The following MAPT variants were observed in gnomAD, a reference collection of about 807,000 sequenced individuals.
MAPT encodes microtubule associated protein tau.
Under a neutral mutation model 67.9 loss-of-function variants are expected in MAPT, and 34 were observed. The observed-to-expected ratio is 0.50, with a 90% CI of 0.38 to 0.67. The LOEUF is 0.67. Ranked by LOEUF, MAPT falls within the 30% of genes least tolerant of loss-of-function variation. The probability of loss-of-function intolerance (pLI) is 0.00; values close to 1 mark genes in which losing one functional copy is unlikely to be tolerated. For synonymous variants in MAPT, 456 were observed against 464.5 expected (o/e 0.98, Z 0.23); for missense variants, 881 against 1,115.2 (o/e 0.79, Z 2.99).
intron 1 of MAPT, among the ~76,000 whole-genome samples, chr17:45,941,526 A>G (rs1050693150): frequency 6.6e-6 from 1 of 150,446 alleles, no homozygotes; most frequent in Non-Finnish European, 1.5e-5. Flanking sequence ...GCAGAACTTC[A>G]TTTCCTCTTC....
intron 1 of MAPT, among the ~76,000 whole-genome samples, chr17:45,947,480 C>T (rs1490042566): frequency 2.0e-5 from 3 of 151,548 alleles, no homozygotes; most frequent in East Asian, 1.9e-4. Flanking sequence ...CACCACCTCC[C>T]GGGTTTAAGC....
At chr17:45,979,640 A>T (rs905586882) in intron 4 of MAPT, 1 of 152,238 alleles carries the variant, frequency 6.6e-6, no homozygotes, top group Non-Finnish European at 1.5e-5. Context: ...GAAGAACCTC[A>T]GTCAATGTGT....
At chr17:45,929,918 G>A (rs1363316412) in intron 1 of MAPT, among the ~76,000 whole-genome samples, 3 of 152,162 alleles carry the variant, frequency 2.0e-5, no homozygotes, top group African/African-American at 7.2e-5. Flanking sequence ...CAGGGGAGCA[G>A]ATAATGGGTA....
At chr17:45,952,733 C>G (rs1362561234) in intron 1 of MAPT, among the ~76,000 whole-genome samples, 1 of 152,116 alleles carries the variant, frequency 6.6e-6, no homozygotes, top group Non-Finnish European at 1.5e-5. Flanking sequence ...GCCCTGGGGT[C>G]ACCAAATGGT....
At chr17:45,946,615 A>AAAAAAAAAAAAAAATATATATATATATAT in intron 1 of MAPT, among the ~76,000 whole-genome samples, 3 of 100,404 alleles carry the variant, frequency 3.0e-5, no homozygotes, top group Non-Finnish European at 5.9e-5. Flanking sequence ...AAAAAAAAAA[A>AAAAAAAAAAAAAAATATATATATATATAT]ATATATATAT....
chr17:45,916,145 C>T (rs958515006), intron 1 of MAPT, among the ~76,000 whole-genome samples: 1 of 152,068 alleles, frequency 6.6e-6, no homozygotes, highest in East Asian at 1.9e-4. Flanking sequence ...GCCCCAGGGC[C>T]CTGCTCTTTG....
chr17:45,941,673 C>CTT (rs2067919273), intron 1 of MAPT, among the ~76,000 whole-genome samples: 3 of 28,456 alleles, frequency 1.1e-4, no homozygotes, highest in Admixed American at 3.7e-4. Flanking sequence ...CCCCCTTCCC[C>CTT]CCTTCCCTCC....
chr17:45,902,268 G>A (rs543167363), intron 1 of MAPT, among the ~76,000 whole-genome samples: 4 of 152,002 alleles, frequency 2.6e-5, no homozygotes, highest in South Asian at 2.1e-4. Context: ...ATGGGGTATC[G>A]CCATGTTGGC....
intron 2 of MAPT, among the ~76,000 whole-genome samples, chr17:45,964,403 G>GGT (rs1458410129): frequency 7.4e-6 from 1 of 135,894 alleles, no homozygotes; most frequent in Non-Finnish European, 1.5e-5. Context: ...TTAGAGGCCG[G>GGT]GCGCGGTGGC....
chr17:45,979,380 GAC>G (rs1191020275), intron 4 of MAPT: 1 of 152,228 alleles, frequency 6.6e-6, no homozygotes, highest in Non-Finnish European at 1.5e-5. Flanking sequence ...GGGCTGGAAA[GAC>G]ACTGTTCTTT....
At chr17:46,021,913 T>C (rs1402858862) in intron 12 of MAPT, among the ~76,000 whole-genome samples, 2 of 152,188 alleles carry the variant, frequency 1.3e-5, no homozygotes, top group African/African-American at 4.8e-5. Context: ...GAAAAATTGC[T>C]AACAAGCAGT....
chr17:45,951,488 T>G (rs1161405352), intron 1 of MAPT, among the ~76,000 whole-genome samples: 3 of 152,092 alleles, frequency 2.0e-5, no homozygotes, highest in Non-Finnish European at 2.9e-5. Flanking sequence ...CTCCGACGTC[T>G]TCTTCTTTTA....
At chr17:45,973,576 A>G (rs1248936398) in intron 3 of MAPT, 3 of 152,248 alleles carry the variant, frequency 2.0e-5, no homozygotes, top group Admixed American at 2.0e-4. Flanking sequence ...ACCCAAGACA[A>G]CCATAATTAA....
At chr17:45,961,010 CAA>C (rs1235248446) in intron 1 of MAPT, among the ~76,000 whole-genome samples, 1 of 151,946 alleles carries the variant, frequency 6.6e-6, no homozygotes, top group Non-Finnish European at 1.5e-5. Flanking sequence ...AGATCAAATC[CAA>C]AGAACAAAAC....
At chr17:45,963,007 C>T (rs2070626772) in intron 2 of MAPT, among the ~76,000 whole-genome samples, 4 of 152,118 alleles carry the variant, frequency 2.6e-5, no homozygotes, top group Non-Finnish European at 4.4e-5. Flanking sequence ...GATTTTAGGG[C>T]CTTAACAATC....
intron 2 of MAPT, among the ~76,000 whole-genome samples, chr17:45,970,265 AAATT>A (rs1459872728): frequency 2.0e-5 from 3 of 152,216 alleles, no homozygotes; most frequent in African/African-American, 7.2e-5. Context: ...CCCACCTAAT[AAATT>A]ATTAATTCAT....
intron 1 of MAPT, among the ~76,000 whole-genome samples, chr17:45,918,976 T>C (rs2065437730): frequency 6.6e-6 from 1 of 151,602 alleles, no homozygotes; most frequent in Non-Finnish European, 1.5e-5. Context: ...GTGGAAGAAT[T>C]GCTTGAGCCC....
Position 45,906,367 on chromosome 17 carries a change from C to T in MAPT, c.-18+11681C>T, listed in dbSNP as rs2064310374. ...ATTATGCCTAGGAGCAGCCTCTCCC[C>T]ACCACTCACAGTGTTTAGCATGTGA... On this transcript the variant is annotated intron_variant, in intron 1 of 12. Coordinates refer to ENST00000262410, the MANE Select transcript of MAPT (RefSeq NM_001377265.1). This position sits in a 1 kb window ranked among gnomAD's most constrained non-coding sequence, Gnocchi z 4.3. Among the ~76,000 whole-genome samples, 2 of 152,176 alleles carry T rather than the reference C, an allele frequency of 1.3e-5. No homozygotes were observed. The highest frequency in any genetic ancestry group is 4.8e-5 in the African/African-American group (2 of 41,428).
intron 1 of MAPT, among the ~76,000 whole-genome samples, chr17:45,941,618 C>T (rs1344172239): frequency 4.0e-5 from 5 of 124,182 alleles, no homozygotes; most frequent in African/African-American, 1.7e-4. Flanking sequence ...CTCCCTCCCC[C>T]CTTCCCTCCT....
Sources: allele counts gnomAD v4.1 joint callset (sites outside exome capture counted in the v4.1 genomes callset), GRCh38; gene constraint gnomAD v4.1.1; non-coding constraint Gnocchi (gnomAD v3.1); transcripts MANE v1.5; gene names NCBI Gene and HGNC (gene_info 2026-07-23, HGNC 2026-07-21).